Variants in MTPN observed in about 807,000 individuals in gnomAD.
MTPN encodes myotrophin.
MTPN carries 2 observed loss-of-function variants against 13.5 expected under a neutral mutation model. The ratio of observed to expected loss-of-function variants is 0.15; its 90% CI spans 0.06 to 0.47. The LOEUF (loss-of-function observed/expected upper bound fraction) is 0.47, where lower values mean the gene tolerates loss of function less well. MTPN is among the 20% of genes least tolerant of loss of function. The pLI is 0.97. For synonymous variants in MTPN, 46 were observed against 51.7 expected (o/e 0.89, Z 0.48); for missense variants, 79 against 137.9 (o/e 0.57, Z 2.14).
intron 1 of MTPN, among the ~76,000 whole-genome samples, chr7:135,954,357 GAT>G (rs2116381261): frequency 6.6e-6 from 1 of 152,298 alleles, no homozygotes; most frequent in East Asian, 1.9e-4. Context: ...AATAATTAAA[GAT>G]ATTATTTATT....
chr7:135,935,442 G>C (rs1007746310), intron 3 of MTPN, among the ~76,000 whole-genome samples: 6 of 152,032 alleles, frequency 3.9e-5, no homozygotes, highest in African/African-American at 1.2e-4. Context: ...GGGTTTCACT[G>C]TGTTAGCCAG....
intron 3 of MTPN, among the ~76,000 whole-genome samples, chr7:135,946,883 C>T (rs954226628): frequency 2.0e-5 from 3 of 152,192 alleles, no homozygotes; most frequent in Non-Finnish European, 2.9e-5. Flanking sequence ...GAGTGTCTGT[C>T]TCATACACTC....
intron 3 of MTPN, chr7:135,932,472 A>G (rs1451947659): frequency 6.6e-6 from 1 of 152,100 alleles, no homozygotes; most frequent in Non-Finnish European, 1.5e-5. Context: ...TATTTTTAAA[A>G]TGTATATGTC....
intron 3 of MTPN, among the ~76,000 whole-genome samples, chr7:135,940,178 A>C (rs1799187700): frequency 6.6e-6 from 1 of 152,186 alleles, no homozygotes; most frequent in African/African-American, 2.4e-5. Context: ...CAGAATCTGA[A>C]AACCTTACAC....
chr7:135,961,769 T>C lies in MTPN; in HGVS notation c.73-10139A>G, dbSNP rs1244114119. On this transcript the variant is annotated intron_variant, in intron 1 of 3. Coordinates refer to ENST00000393085, the MANE Select transcript of MTPN (RefSeq NM_145808.4). Reference sequence around the variant, plus strand: ...GATACCTAAAAGCAAAATATGAAAATGTGAAAAAAATTTGTTTAATGGTCA... The same window carrying C: ...GATACCTAAAAGCAAAATATGAAAACGTGAAAAAAATTTGTTTAATGGTCA... 3.3e-5 allele frequency among the ~76,000 whole-genome samples: 5 copies of C among 151,674 alleles called. No homozygotes were observed. The East Asian group carries it at 5.8e-4, about 18-fold the overall frequency.
At chr7:135,936,004 C>T (rs1166519822) in intron 3 of MTPN, among the ~76,000 whole-genome samples, 1 of 152,172 alleles carries the variant, frequency 6.6e-6, no homozygotes, top group African/African-American at 2.4e-5. Context: ...TTGCCCTCTT[C>T]TTCCTTCGGG....
At position 135,927,152 on chromosome 7, in the gene MTPN, C is replaced by G. The variant is rs1798932501; in HGVS notation, c.*2774G>C. ...TGAAATATTAGAAAAAAAAATCAAA[C>G]AGATACATACAGATTTAAAATCCAG... On this transcript the variant is annotated 3_prime_UTR_variant, in exon 4 of 4. Transcript: ENST00000393085. The G allele has an allele frequency of 1.5e-6, 1 of 648,994 alleles. No homozygotes were observed. Among genetic ancestry groups the G allele is most frequent in the Non-Finnish European group, 2.4e-6 (1 of 425,016 alleles). 40.2% of individuals were successfully genotyped at this position (648,994 alleles called of 1,614,324 possible).
intron 3 of MTPN, among the ~76,000 whole-genome samples, chr7:135,944,793 T>C (rs182505140): frequency 7.9e-5 from 12 of 152,342 alleles, no homozygotes; most frequent in African/African-American, 2.9e-4. Flanking sequence ...AAAAATATAG[T>C]AGTCTCCTTT....
At chr7:135,963,591 A>T (rs1458372305) in intron 1 of MTPN, among the ~76,000 whole-genome samples, 1 of 152,064 alleles carries the variant, frequency 6.6e-6, no homozygotes, top group Admixed American at 6.6e-5. Context: ...GTATAACATC[A>T]ACCTGCTCTT....
At position 135,959,266 on chromosome 7, in the gene MTPN, T is replaced by C. The variant is rs570810038; in HGVS notation, c.73-7636A>G. 1.6e-4 allele frequency among the ~76,000 whole-genome samples: 25 copies of C among 152,304 alleles called. No homozygotes were observed. In the South Asian group the frequency reaches 4.3e-3, roughly 26 times the overall value. ...TATCAAATACCCTGTAACACTAAAA[T>C]TCTTATTTTATAGAACATAACAGTT... On this transcript the variant is annotated intron_variant, in intron 1 of 3. Transcript: ENST00000393085.
intron 1 of MTPN, among the ~76,000 whole-genome samples, chr7:135,975,355 T>C (rs1751995256): frequency 6.6e-6 from 1 of 152,232 alleles, no homozygotes; most frequent in African/African-American, 2.4e-5. Context: ...AGATAGTGCG[T>C]GGAGCAGTTA....
At chr7:135,944,767 AT>A (rs1441030284) in intron 3 of MTPN, among the ~76,000 whole-genome samples, 3 of 152,238 alleles carry the variant, frequency 2.0e-5, no homozygotes, top group Admixed American at 6.5e-5. Flanking sequence ...AAGATGTCCA[AT>A]TATATGTAAC....
intron 1 of MTPN, among the ~76,000 whole-genome samples, chr7:135,958,853 A>G (rs1019229452): frequency 2.6e-5 from 4 of 152,148 alleles, no homozygotes; most frequent in African/African-American, 7.2e-5. Context: ...TCCCTCAAGG[A>G]TATCTCTGAA....
chr7:135,958,001 C>A (rs1799468955), intron 1 of MTPN, among the ~76,000 whole-genome samples: 1 of 152,080 alleles, frequency 6.6e-6, no homozygotes, highest in South Asian at 2.1e-4. Flanking sequence ...AAGTACTCAG[C>A]CTCAGATACT....
chr7:135,927,388 A>T lies in MTPN; in HGVS notation c.*2538T>A. ...GCAAGGGAGACTTTGTTAGTACACT[A>T]CTATAAACAGGTAAACTACCTGTTT... On this transcript the variant is annotated 3_prime_UTR_variant, in exon 4 of 4. Coordinates refer to ENST00000393085, the MANE Select transcript of MTPN (RefSeq NM_145808.4). 2 of 1,549,644 alleles carry T rather than the reference A, an allele frequency of 1.3e-6. No homozygotes were observed.
intron 3 of MTPN, among the ~76,000 whole-genome samples, chr7:135,940,459 G>A (rs1239022237): frequency 6.6e-6 from 1 of 152,098 alleles, no homozygotes; most frequent in Non-Finnish European, 1.5e-5. Flanking sequence ...AAAACACAGT[G>A]ATTGTTACCT....
At chr7:135,953,987 A>G (rs1370766952) in intron 1 of MTPN, among the ~76,000 whole-genome samples, 2 of 152,162 alleles carry the variant, frequency 1.3e-5, no homozygotes, top group Non-Finnish European at 2.9e-5. Flanking sequence ...GTATATATAT[A>G]ATGTCTATAT....
At chr7:135,974,361 A>C (rs1490090761) in intron 1 of MTPN, among the ~76,000 whole-genome samples, 1 of 152,116 alleles carries the variant, frequency 6.6e-6, no homozygotes, top group Non-Finnish European at 1.5e-5. Flanking sequence ...CTGTACAACA[A>C]AGTGAGATCC....
At chr7:135,955,424 T>C (rs1799427772) in intron 1 of MTPN, among the ~76,000 whole-genome samples, 1 of 152,226 alleles carries the variant, frequency 6.6e-6, no homozygotes, top group South Asian at 2.1e-4. Flanking sequence ...AGTGCCAATA[T>C]TGGACAACAG....
Sources: allele counts gnomAD v4.1 joint callset (sites outside exome capture counted in the v4.1 genomes callset), GRCh38; gene constraint gnomAD v4.1.1; transcripts MANE v1.5; gene names NCBI Gene and HGNC (gene_info 2026-07-23, HGNC 2026-07-21).